RPH3AL: variants seen among roughly 807,000 people sequenced by gnomAD.
RPH3AL encodes the protein rab effector Noc2.
RPH3AL carries 38 observed loss-of-function variants against 43.1 expected under a neutral mutation model. The ratio of observed to expected loss-of-function variants is 0.88; its 90% confidence interval spans 0.68 to 1.15. The LOEUF (loss-of-function observed/expected upper bound fraction) is 1.15. Among genes scored for constraint, RPH3AL ranks in the 50% most tolerant of loss-of-function variants. The pLI is 0.00. For synonymous variants in RPH3AL, 189 were observed against 176.3 expected, an observed-to-expected ratio of 1.07 and a Z score of -0.57; for missense variants, 462 against 423.2, an observed-to-expected ratio of 1.09 and a Z score of -0.81.
chr17:285,006 CA>C (rs1244369164), intron 5 of RPH3AL, among the ~76,000 whole-genome samples: 2 of 152,222 alleles, frequency 1.3e-5, no homozygotes, highest in Non-Finnish European at 2.9e-5. Context: ...TGATCCCTCC[CA>C]AAGCCCCCAT....
chr17:263,857 C>G (rs534770783), intron 6 of RPH3AL, among the ~76,000 whole-genome samples: 5 of 152,350 alleles, frequency 3.3e-5, no homozygotes, highest in African/African-American at 7.2e-5. Flanking sequence ...TCCCACACAT[C>G]ACTGCACCCA....
chr17:263,654 C>G (rs1555547050), intron 6 of RPH3AL, among the ~76,000 whole-genome samples: 1 of 152,214 alleles, frequency 6.6e-6, no homozygotes, highest in Non-Finnish European at 1.5e-5. Context: ...GGAGCTGGCA[C>G]AGTCTGTGGC....
intron 7 of RPH3AL, among the ~76,000 whole-genome samples, chr17:240,786 A>G (rs1232365644): frequency 2.0e-5 from 3 of 152,156 alleles, no homozygotes; most frequent in Admixed American, 6.5e-5. Context: ...TCGGCCGGGC[A>G]CGGTGGCTCA....
rs375273669 is a variant in RPH3AL at position 228,295 on chromosome 17, G to A, written c.614-8559C>T. Among the ~76,000 whole-genome samples, 279 of 152,220 alleles carry A rather than the reference G, an allele frequency of 1.8e-3. 1 individual carries two copies. The highest frequency in any genetic ancestry group is 6.4e-3 in the African/African-American group (267 of 41,544). On this transcript the variant is annotated intron_variant, in intron 7 of 9. Transcript: ENST00000331302. ...TGGGCTCAAACAATCCTCCCGCCTC[G>A]GTCTCCCAAAGTGCTGAGATTACAG...
chr17:325,870 C>T (rs1320376865), intron 3 of RPH3AL, among the ~76,000 whole-genome samples: 1 of 152,188 alleles, frequency 6.6e-6, no homozygotes, highest in East Asian at 1.9e-4. Context: ...CCCAGCTCTG[C>T]GGCTGGAGTT....
At chr17:336,495 C>T (rs1030388778) in intron 1 of RPH3AL, among the ~76,000 whole-genome samples, 1 of 152,110 alleles carries the variant, frequency 6.6e-6, no homozygotes, top group Non-Finnish European at 1.5e-5. Flanking sequence ...TCTGCCTGCT[C>T]GGGGCGGCTC....
intron 6 of RPH3AL, among the ~76,000 whole-genome samples, chr17:259,109 C>T (rs1270332774): frequency 1.3e-5 from 2 of 152,130 alleles, no homozygotes; most frequent in African/African-American, 4.8e-5. Context: ...AACGGGGCCT[C>T]GCTCCGATTC....
At chr17:336,869 T>C (rs1220708855) in intron 1 of RPH3AL, among the ~76,000 whole-genome samples, 1 of 152,170 alleles carries the variant, frequency 6.6e-6, no homozygotes, top group African/African-American at 2.4e-5. Flanking sequence ...TGGTTCACGC[T>C]GTCTACCTCC....
chr17:333,206 T>G lies in RPH3AL; in HGVS notation c.-37+553A>C, dbSNP rs1045476623. On this transcript the variant is annotated intron_variant, in intron 2 of 9. Coordinates refer to ENST00000331302, the MANE Select transcript of RPH3AL (RefSeq NM_006987.4). This position sits in a 1 kb window ranked among gnomAD's most constrained non-coding sequence, Gnocchi z 4.5. ...TCACTGCAGACACAGAGAAGGCCAT[T>G]AGAGCTCACCACCCCGGGCGTTCGT... is the stretch of plus-strand genomic sequence containing the variant. 1.6e-5 allele frequency: 18 copies of G among 1,096,714 alleles called. No individual in the cohort carries two copies. The highest frequency in any genetic ancestry group is 8.4e-5 in the African/African-American group (5 of 59,246). The allele number at this position is 1,096,714 out of a possible 1,614,324, so 67.9% of individuals were successfully genotyped here. A position where few individuals can be genotyped will look rare whatever the true frequency, so the allele number is the denominator to read the frequency against.
chr17:308,671 T>G (rs1328584971), intron 5 of RPH3AL, among the ~76,000 whole-genome samples: 1 of 152,168 alleles, frequency 6.6e-6, no homozygotes, highest in East Asian at 1.9e-4. Flanking sequence ...TTGAAAGCAT[T>G]ATGCAAAGGG....
At chr17:251,021 A>C (rs1361426869) in intron 6 of RPH3AL, among the ~76,000 whole-genome samples, 1 of 152,190 alleles carries the variant, frequency 6.6e-6, no homozygotes, top group African/African-American at 2.4e-5. Flanking sequence ...TTCCTAGAGA[A>C]ACTAGACCTT....
At chr17:252,089 A>G (rs557035515) in intron 6 of RPH3AL, among the ~76,000 whole-genome samples, 1 of 148,480 alleles carries the variant, frequency 6.7e-6, no homozygotes, top group East Asian at 2.0e-4. Context: ...CTCCCACCTC[A>G]CCCTCCCGAG....
chr17:305,241 C>T (rs1159630997), intron 5 of RPH3AL, among the ~76,000 whole-genome samples: 3 of 152,052 alleles, frequency 2.0e-5, no homozygotes, highest in South Asian at 2.1e-4. Flanking sequence ...GGTACAACCT[C>T]GTGTCCAGGC....
At chr17:277,837 C>T (rs1377872051) in intron 6 of RPH3AL, among the ~76,000 whole-genome samples, 2 of 152,044 alleles carry the variant, frequency 1.3e-5, no homozygotes, top group Admixed American at 6.6e-5. Flanking sequence ...AGCCTGTAGT[C>T]CCAGCTATTC....
intron 6 of RPH3AL, among the ~76,000 whole-genome samples, chr17:270,200 T>C (rs2042429169): frequency 6.6e-6 from 1 of 152,108 alleles, no homozygotes; most frequent in Non-Finnish European, 1.5e-5. Context: ...AGCCACCCAC[T>C]CCCGAATGCA....
intron 6 of RPH3AL, among the ~76,000 whole-genome samples, chr17:248,425 A>G (rs1597929348): frequency 6.6e-6 from 1 of 152,174 alleles, no homozygotes; most frequent in East Asian, 1.9e-4. Context: ...AGGGACTCTG[A>G]GAGCCAGGTG....
intron 3 of RPH3AL, among the ~76,000 whole-genome samples, chr17:324,689 A>G (rs1436693358): frequency 1.4e-5 from 2 of 147,328 alleles, no homozygotes; most frequent in South Asian, 4.4e-4. Context: ...CTTTCTATCT[A>G]TCTAGCTAGC....
chr17:328,524 C>CA lies in RPH3AL; in HGVS notation c.-36-946dup. Among the ~76,000 whole-genome samples, 1 of 152,048 alleles carries CA rather than the reference C, an allele frequency of 6.6e-6. No homozygotes were observed. The highest frequency in any genetic ancestry group is 2.4e-5 in the African/African-American group (1 of 41,442). The stretch of plus-strand genomic sequence containing the variant: ...CTCAAAATGTTGAACACAGACTTAC[C>CA]ATATGACCCAGAAACTCTACTCCTA... On this transcript the variant is annotated intron_variant, in intron 2 of 9. Coordinates refer to ENST00000331302, the MANE Select transcript of RPH3AL (RefSeq NM_006987.4). The surrounding 1 kb of genome is among the most constrained non-coding windows in gnomAD (Gnocchi z 4.2).
At chr17:220,604 T>A (rs1555530734) in intron 7 of RPH3AL, among the ~76,000 whole-genome samples, 1 of 36,642 alleles carries the variant, frequency 2.7e-5, no homozygotes, top group Admixed American at 2.7e-4. Flanking sequence ...CTCTGAGGCC[T>A]CCACTCACTG....
Sources: gnomAD v4.1 joint callset for allele counts (sites outside exome capture counted in the v4.1 genomes callset) on GRCh38, gnomAD v4.1.1 for gene constraint, Gnocchi (gnomAD v3.1) non-coding constraint, MANE v1.5 for transcripts, NCBI Gene and HGNC (gene_info 2026-07-23, HGNC 2026-07-21) for gene names.